IMMT: variants seen among roughly 807,000 people sequenced by gnomAD.
IMMT encodes the protein MICOS complex subunit MIC60.
Under a neutral mutation model 92.7 loss-of-function variants are expected in IMMT, and 40 were observed. The ratio of observed to expected loss-of-function variants is 0.43; its 90% CI spans 0.34 to 0.56. The LOEUF (loss-of-function observed/expected upper bound fraction) is 0.56. IMMT is among the 20% of genes least tolerant of loss of function. The pLI is 0.03. For synonymous variants in IMMT, 322 were observed against 336.1 expected, an observed-to-expected ratio of 0.96 and a Z score of 0.46; for missense variants, 831 against 912.1, an observed-to-expected ratio of 0.91 and a Z score of 1.14.
intron 1 of IMMT, 106 bp downstream of exon 1, chr2:86,195,232 G>A: frequency 1.6e-6 from 2 of 1,256,024 alleles, no homozygotes; most frequent in Non-Finnish European, 2.1e-6. Context: ...GTGGCCCTGA[G>A]GCTCGCCTTT....
At chr2:86,156,031 C>G (rs1046330062) in intron 10 of IMMT, among the ~76,000 whole-genome samples, 1 of 152,172 alleles carries the variant, frequency 6.6e-6, no homozygotes, top group Non-Finnish European at 1.5e-5. Context: ...GATTGCTTCA[C>G]AAGGGACCTT....
Position 86,166,564 on chromosome 2 carries a change from C to T in IMMT, c.736G>A (p.Val246Ile). 3 of 1,613,382 alleles carry T rather than the reference C, an allele frequency of 1.9e-6. No homozygotes were observed. Among genetic ancestry groups the T allele is most frequent in the Non-Finnish European group, 2.5e-6 (3 of 1,179,760 alleles). ...TTGGAGTGTGCATTGACAGCCTGGA[C>T]CGCAGCATTCTGAGCTGCAATAGCC... is the stretch of plus-strand genomic sequence containing the variant. ...LQAIAAQNAA[V>I]QAVNAHSNIL... Residue 246 changes from valine (V) to isoleucine (I), a missense_variant, in exon 7 of 15, where the codon GTC becomes ATC. Val to Ile is a conservative substitution (Grantham distance 29). Transcript: ENST00000410111.
At position 86,162,082 on chromosome 2, in the gene IMMT, A is replaced by G; in HGVS notation, c.793-3T>C. 6.4e-7 allele frequency: 1 copy of G among 1,551,406 alleles called. No individual in the cohort carries two copies. The highest frequency in any genetic ancestry group is 2.0e-5 in the Admixed American group (1 of 50,324). Reference sequence around the variant, plus strand: ...GCAGATTTCTTCTCGCCTGCAATCTAAACAAAAAATTTTAATTATATAATA... The same window carrying G: ...GCAGATTTCTTCTCGCCTGCAATCTGAACAAAAAATTTTAATTATATAATA... On this transcript the variant is annotated splice_polypyrimidine_tract_variant and splice_region_variant and intron_variant, in intron 7 of 14. Coordinates refer to ENST00000410111, the MANE Select transcript of IMMT (RefSeq NM_006839.3).
chr2:86,146,209 CAG>C lies in IMMT; in HGVS notation c.1534-14_1534-13del, dbSNP rs778633886. 3.3e-5 allele frequency: 53 copies of C among 1,596,296 alleles called. No homozygotes were observed. The Admixed American group carries it at 4.2e-4, about 13-fold the overall frequency. On this transcript the variant is annotated splice_polypyrimidine_tract_variant and intron_variant, in intron 13 of 14. Transcript: ENST00000410111. ...TTCTCAGACAGGTTCTGAAATAAAA[CAG>C]AAATAGTTCCAGAAAAAAGTGATAC... is the stretch of plus-strand genomic sequence containing the variant.
At chr2:86,184,056 ATATGAAAGTATGT>A (rs924133708) in intron 1 of IMMT, among the ~76,000 whole-genome samples, 4 of 152,212 alleles carry the variant, frequency 2.6e-5, no homozygotes, top group Non-Finnish European at 4.4e-5. Flanking sequence ...CCCTCTAGTA[ATATGAAAGTATGT>A]TTTCCCACAT....
Position 86,185,530 on chromosome 2 carries a change from A to T in IMMT, c.46-4158T>A, listed in dbSNP as rs144415184. ...TAAGAATCATAAGGATGTGTTTCCCAGATTCTATTGAATCAATAAGGTTAC... is the reference window on the plus strand; with the variant it reads ...TAAGAATCATAAGGATGTGTTTCCCTGATTCTATTGAATCAATAAGGTTAC... On this transcript the variant is annotated intron_variant, in intron 1 of 14. Coordinates refer to ENST00000410111, the MANE Select transcript of IMMT (RefSeq NM_006839.3). 2.8e-4 allele frequency among the ~76,000 whole-genome samples: 43 copies of T among 152,304 alleles called. 1 individual carries two copies. Among genetic ancestry groups the T allele is most frequent in the Middle Eastern group, 3.4e-3 (1 of 294 alleles).
intron 13 of IMMT, 52 bp from the exon 14 acceptor site, chr2:86,146,249 A>G: frequency 6.6e-7 from 1 of 1,521,386 alleles, no homozygotes; most frequent in Admixed American, 1.8e-5. Context: ...AATGCATGTC[A>G]TGTAACTGTG....
intron 3 of IMMT, among the ~76,000 whole-genome samples, chr2:86,178,308 A>C (rs1573932360): frequency 9.1e-6 from 1 of 109,442 alleles, no homozygotes; most frequent in African/African-American, 3.8e-5. Context: ...ACACAGCAAG[A>C]CTCCATCTCA....
chr2:86,188,718 G>A (rs943802215), intron 1 of IMMT, among the ~76,000 whole-genome samples: 14 of 152,306 alleles, frequency 9.2e-5, no homozygotes, highest in African/African-American at 3.1e-4. Context: ...GAGCCACAGA[G>A]CCTGGGCCCT....
intron 1 of IMMT, among the ~76,000 whole-genome samples, chr2:86,186,071 T>G (rs1672747301): frequency 6.6e-6 from 1 of 152,198 alleles, no homozygotes; most frequent in Non-Finnish European, 1.5e-5. Context: ...ATATGCTGAA[T>G]GTATGGGGAG....
intron 1 of IMMT, among the ~76,000 whole-genome samples, chr2:86,184,235 A>T (rs185501435): frequency 7.1e-4 from 108 of 152,150 alleles, no homozygotes; most frequent in Non-Finnish European, 1.2e-3. Context: ...CAGTGGTATG[A>T]TCATAGCTCA....
At chr2:86,185,777 C>A (rs941651238) in intron 1 of IMMT, among the ~76,000 whole-genome samples, 2 of 152,210 alleles carry the variant, frequency 1.3e-5, no homozygotes, top group Non-Finnish European at 2.9e-5. Context: ...AGACAAACTT[C>A]TACAGACAGG....
At chr2:86,187,066 A>T (rs1259245013) in intron 1 of IMMT, among the ~76,000 whole-genome samples, 1 of 151,866 alleles carries the variant, frequency 6.6e-6, no homozygotes, top group African/African-American at 2.4e-5. Flanking sequence ...CATAAAATTC[A>T]CCATTCTAAC....
chr2:86,162,121 A>ATT, intron 7 of IMMT, 42 bp from the exon 8 acceptor site: 1 of 1,257,610 alleles, frequency 8.0e-7, no homozygotes, highest in Non-Finnish European at 1.1e-6. Flanking sequence ...AACTGCTATT[A>ATT]TTGTCATATG....
intron 2 of IMMT, 26 bp downstream of exon 2, chr2:86,181,273 T>C: frequency 4.5e-6 from 7 of 1,566,396 alleles, no homozygotes; most frequent in Non-Finnish European, 4.4e-6. Flanking sequence ...GTGAAAAGCC[T>C]GGTTATAGGG....
At chr2:86,148,003 C>A (rs1291282670) in intron 12 of IMMT, among the ~76,000 whole-genome samples, 170 bp from the exon 13 acceptor site, 1 of 152,100 alleles carries the variant, frequency 6.6e-6, no homozygotes, top group Non-Finnish European at 1.5e-5. Context: ...AAAACTAAAC[C>A]CTGGAAGGTG....
Position 86,146,150 on chromosome 2 carries a change from G to A in IMMT, c.1581C>T (p.Leu527=), listed in dbSNP as rs981302794. 2 of 1,608,302 alleles carry A rather than the reference G, an allele frequency of 1.2e-6. No homozygotes were observed. The highest frequency in any genetic ancestry group is 3.3e-5 in the Admixed American group (2 of 59,874). ...TAAAGTTGTCAACTTGCTCTTGACT[G>A]AGACGACGAAATTGTAATTCTTGTT... ...LSEQELQFRR[L]SQEQVDNFTL... Residue 527 remains leucine (L), a synonymous_variant, in exon 14 of 15, where the codon CTC becomes CTT. Coordinates refer to ENST00000410111, the MANE Select transcript of IMMT (RefSeq NM_006839.3).
chr2:86,155,904 TGA>T (rs1278373499), intron 10 of IMMT, among the ~76,000 whole-genome samples: 2 of 152,166 alleles, frequency 1.3e-5, no homozygotes, highest in Non-Finnish European at 2.9e-5. Flanking sequence ...AGGAAAACTG[TGA>T]GAGGGAAACT....
At chr2:86,187,730 G>C (rs13011139) in intron 1 of IMMT, among the ~76,000 whole-genome samples, 76,920 of 151,254 alleles carry the variant, frequency 0.51, 19,916 homozygotes, top group Non-Finnish European at 0.55. Context: ...GACCAACATG[G>C]AGAAGCCCCG....
Sources: gnomAD v4.1 joint callset for allele counts (sites outside exome capture counted in the v4.1 genomes callset) on GRCh38, gnomAD v4.1.1 for gene constraint, MANE v1.5 for transcripts, NCBI Gene and HGNC (gene_info 2026-07-23, HGNC 2026-07-21) for gene names.